Variants in STOX2 observed in about 807,000 individuals in gnomAD.
STOX2 encodes storkhead box 2.
STOX2 carries 28 observed loss-of-function variants against 60.9 expected under a neutral mutation model. The observed-to-expected ratio is 0.46, with a 90% confidence interval of 0.34 to 0.63. STOX2 has a LOEUF of 0.63. Among genes scored for constraint, STOX2 ranks in the 30% least tolerant of loss-of-function variants. The pLI, the probability that STOX2 is intolerant of heterozygous loss-of-function variation, is 0.01. For synonymous variants in STOX2, 472 were observed against 463.9 expected (o/e 1.02, Z -0.22); for missense variants, 1,024 against 1,187.7 (o/e 0.86, Z 2.03).
At chr4:183,863,304 T>C (rs1459303455) in intron 1 of STOX2, among the ~76,000 whole-genome samples, 4 of 152,202 alleles carry the variant, frequency 2.6e-5, no homozygotes, top group Admixed American at 1.3e-4. Context: ...TTGTATGCCA[T>C]GTCCATTGAC....
chr4:183,837,862 G>C (rs556071998), intron 1 of STOX2, among the ~76,000 whole-genome samples: 1 of 152,320 alleles, frequency 6.6e-6, no homozygotes, highest in East Asian at 1.9e-4. Context: ...CTGTTCATCT[G>C]TGGATGGAGC....
chr4:183,877,138 A>C (rs1448599047), intron 1 of STOX2, among the ~76,000 whole-genome samples: 5 of 152,244 alleles, frequency 3.3e-5, no homozygotes, highest in African/African-American at 4.8e-5. Flanking sequence ...ATATGTGGGC[A>C]GAATTTGCTG....
chr4:183,994,504 A>T (rs1392389943), intron 1 of STOX2, among the ~76,000 whole-genome samples: 1 of 152,202 alleles, frequency 6.6e-6, no homozygotes, highest in African/African-American at 2.4e-5. Flanking sequence ...ATGAGTGTTA[A>T]AATAGTGTCC....
At chr4:183,881,919 C>G (rs1177491828) in intron 1 of STOX2, among the ~76,000 whole-genome samples, 1 of 152,130 alleles carries the variant, frequency 6.6e-6, no homozygotes, top group Non-Finnish European at 1.5e-5. Context: ...TAATTTGAAC[C>G]AACAACTTTA....
intron 1 of STOX2, among the ~76,000 whole-genome samples, chr4:183,839,427 AAC>A (rs1739797118): frequency 6.6e-6 from 1 of 152,064 alleles, no homozygotes; most frequent in Non-Finnish European, 1.5e-5. Flanking sequence ...CAAGAATTAA[AAC>A]ACACACACAA....
intron 1 of STOX2, among the ~76,000 whole-genome samples, chr4:183,978,572 A>G (rs1732535114): frequency 6.6e-6 from 1 of 152,184 alleles, no homozygotes; most frequent in Non-Finnish European, 1.5e-5. Context: ...CTGAATAGCC[A>G]AAGCAATCCT....
intron 1 of STOX2, among the ~76,000 whole-genome samples, chr4:183,917,876 A>G (rs762901977): frequency 4.6e-5 from 7 of 152,242 alleles, no homozygotes; most frequent in Non-Finnish European, 8.8e-5. Context: ...CTAACAATCT[A>G]TGTTATCAGT....
intron 1 of STOX2, among the ~76,000 whole-genome samples, chr4:183,824,176 G>T (rs1421823685): frequency 6.6e-6 from 1 of 152,052 alleles, no homozygotes; most frequent in Non-Finnish European, 1.5e-5. Context: ...AATAATTTTG[G>T]GATTAAAACA....
At position 183,995,968 on chromosome 4, in the gene STOX2, T is replaced by TA. The variant is rs375190041; in HGVS notation, c.167-5357_167-5356insA. Reference sequence around the variant, plus strand: ...TCATCCACCCGGCTACTCTTTCTCTTCATGCCAGTCAGCCGACAATGACCT... The same window carrying TA: ...TCATCCACCCGGCTACTCTTTCTCTTACATGCCAGTCAGCCGACAATGACCT... On this transcript the variant is annotated intron_variant, in intron 1 of 3. Coordinates refer to ENST00000308497, the MANE Select transcript of STOX2 (RefSeq NM_020225.3). Among the ~76,000 whole-genome samples the TA allele has an allele frequency of 2.8e-3, 429 of 152,324 alleles. 1 individual carries two copies. The highest frequency in any genetic ancestry group is 9.8e-3 in the African/African-American group (408 of 41,566).
Position 184,011,688 on chromosome 4 carries a change from A to C in STOX2, c.2585+265A>C. On this transcript the variant is annotated intron_variant, in intron 3 of 3. Coordinates refer to ENST00000308497, the MANE Select transcript of STOX2 (RefSeq NM_020225.3). The surrounding 1 kb of genome is among the most constrained non-coding windows in gnomAD (Gnocchi z 4.4). ...CATCAGTCTGATCTAACTAAAACCA[A>C]TATTTCCAGTATTTTTTCTGCTACG... is the stretch of plus-strand genomic sequence containing the variant. The C allele has an allele frequency of 7.5e-7, 1 of 1,328,544 alleles. No homozygotes were observed. Among genetic ancestry groups the C allele is most frequent in the Non-Finnish European group, 9.9e-7 (1 of 1,013,012 alleles). 82.3% of individuals were successfully genotyped at this position (1,328,544 alleles called of 1,614,324 possible). A position where few individuals can be genotyped will look rare whatever the true frequency, so the allele number is the denominator to read the frequency against.
At chr4:183,954,705 C>T (rs1008929634) in intron 1 of STOX2, among the ~76,000 whole-genome samples, 25 of 152,108 alleles carry the variant, frequency 1.6e-4, no homozygotes, top group Admixed American at 1.4e-3. Flanking sequence ...TGAAAAATAA[C>T]AATTGCCTGA....
intron 1 of STOX2, among the ~76,000 whole-genome samples, chr4:183,998,211 C>T (rs555026048): frequency 7.2e-5 from 11 of 152,302 alleles, no homozygotes; most frequent in African/African-American, 2.6e-4. Flanking sequence ...AAGTGATACC[C>T]AAGTCCAGAG....
At position 183,897,898 on chromosome 4, in the gene STOX2, T is replaced by C. The variant is rs756854711; in HGVS notation, c.364+99843T>C. 1.2e-3 allele frequency among the ~76,000 whole-genome samples: 190 copies of C among 152,152 alleles called. 3 individuals carry two copies. Among genetic ancestry groups the C allele is most frequent in the Non-Finnish European group, 3.2e-4 (22 of 68,018 alleles). ...TTAACATAAAAAGTGAAACATACAA[T>C]CATATTATTATGCAGTCTGATTTTT... is the stretch of plus-strand genomic sequence containing the variant. On this transcript the variant is annotated intron_variant, in intron 1 of 2. Coordinates refer to the STOX2 transcript ENST00000513034.
At position 183,856,042 on chromosome 4, in the gene STOX2, T is replaced by G. The variant is rs903419389; in HGVS notation, c.364+57987T>G. 6.6e-6 allele frequency among the ~76,000 whole-genome samples: 1 copy of G among 152,200 alleles called. No individual in the cohort carries two copies. Among genetic ancestry groups the G allele is most frequent in the African/African-American group, 2.4e-5 (1 of 41,434 alleles). On this transcript the variant is annotated intron_variant, in intron 1 of 2. Transcript: ENST00000513034. This position sits in a 1 kb window ranked among gnomAD's most constrained non-coding sequence, Gnocchi z 4.0. ...CCTGGCCTGTCTCCTCTGAGTTCGC[T>G]TCCAGCCTAGGTCTCATTCCTGGCC...
At chr4:183,937,847 G>A (rs909900066) in intron 1 of STOX2, among the ~76,000 whole-genome samples, 1 of 152,186 alleles carries the variant, frequency 6.6e-6, no homozygotes, top group Admixed American at 6.5e-5. Flanking sequence ...TTTATTTTGA[G>A]TAAAAGTTAA....
intron 1 of STOX2, among the ~76,000 whole-genome samples, chr4:183,803,475 A>G (rs954145875): frequency 1.3e-5 from 2 of 152,250 alleles, no homozygotes; most frequent in Non-Finnish European, 2.9e-5. Context: ...ATTGAATAAT[A>G]TTCCTAGACG....
intron 1 of STOX2, among the ~76,000 whole-genome samples, chr4:183,975,979 A>G (rs999940277): frequency 3.3e-5 from 5 of 152,190 alleles, no homozygotes; most frequent in African/African-American, 1.2e-4. Context: ...GTCATGACCG[A>G]GTGGATTTAG....
Position 184,010,760 on chromosome 4 carries a change from G to A in STOX2, c.1922G>A (p.Arg641Lys). ...GTGAAAAAGCTCTCCCCTTCTGATA[G>A]GCAGGTCCCCCACTCCTCCAGGGAG... ...EGVKKLSPSD[R>K]QVPHSSREPV... Residue 641 changes from arginine to lysine, a missense_variant, in exon 3 of 4, where the codon AGG (arginine) becomes AAG (lysine). Around this residue, in one of 3 missense-constraint regions of STOX2, gnomAD observed 922 missense variants for 1,058.3 expected, o/e 0.87. Transcript: ENST00000308497. This position sits in a 1 kb window ranked among gnomAD's most constrained non-coding sequence, Gnocchi z 4.5. 1 of 1,583,828 alleles carries A rather than the reference G, an allele frequency of 6.3e-7. No individual in the cohort carries two copies. Among genetic ancestry groups the A allele is most frequent in the Non-Finnish European group, 8.6e-7 (1 of 1,165,582 alleles).
At chr4:183,808,818 C>A (rs577221551) in intron 1 of STOX2, among the ~76,000 whole-genome samples, 1 of 152,054 alleles carries the variant, frequency 6.6e-6, no homozygotes, top group African/African-American at 2.4e-5. Flanking sequence ...CTTTTGGCTT[C>A]CCTGGGCCAC....
Sources: gnomAD v4.1 joint callset for allele counts (sites outside exome capture counted in the v4.1 genomes callset) on GRCh38, gnomAD v4.1.1 for gene constraint, gnomAD v4.1.1 regional missense constraint, Gnocchi (gnomAD v3.1) non-coding constraint, MANE v1.5 for transcripts, NCBI Gene and HGNC (gene_info 2026-07-23, HGNC 2026-07-21) for gene names.